ERAP1: variants seen among roughly 807,000 people sequenced by gnomAD.
ERAP1 encodes adipocyte-derived leucine aminopeptidase.
In ERAP1, 86 loss-of-function variants were observed where a neutral mutation model predicts 103.7. That is an observed-to-expected ratio of 0.83 (90% confidence interval 0.70 to 0.99). The LOEUF (loss-of-function observed/expected upper bound fraction) is 0.99. ERAP1 is among the 50% of genes least tolerant of loss of function. ERAP1 has a pLI of 0.00. For missense variants in ERAP1, 1,009 were observed against 1,128.4 expected, an observed-to-expected ratio of 0.89 and a Z score of 1.52; for synonymous variants, 398 against 402.4, an observed-to-expected ratio of 0.99 and a Z score of 0.13.
the ERAP1 span, chr5:96,886,615 C>A: frequency 6.9e-7 from 1 of 1,451,374 alleles, no homozygotes; most frequent in Non-Finnish European, 9.3e-7. Context: ...ATGAAATACT[C>A]CAGTTTTCAA....
At chr5:96,836,438 G>C in the ERAP1 span, among the ~76,000 whole-genome samples, 1 of 152,116 alleles carries the variant, frequency 6.6e-6, no homozygotes, top group Admixed American at 6.6e-5. Flanking sequence ...CTGACCTCAA[G>C]TGATCCCCCC....
chr5:96,862,135 C>A, the ERAP1 span, among the ~76,000 whole-genome samples: 2 of 152,162 alleles, frequency 1.3e-5, no homozygotes, highest in African/African-American at 4.8e-5. Context: ...TGCACACAAT[C>A]ATGCCCAGCT....
At chr5:96,867,848 C>A in the ERAP1 span, among the ~76,000 whole-genome samples, 1 of 152,010 alleles carries the variant, frequency 6.6e-6, no homozygotes, top group Non-Finnish European at 1.5e-5. Context: ...CTGAGGCAGG[C>A]GGATTACCTG....
At chr5:96,873,362 T>C in the ERAP1 span, 1 of 456,130 alleles carries the variant, frequency 2.2e-6, no homozygotes, top group Non-Finnish European at 4.4e-6. Flanking sequence ...CGTGGTCCAT[T>C]GCCTGAAGTT....
chr5:96,834,936 G>A, the ERAP1 span, among the ~76,000 whole-genome samples: 34 of 152,084 alleles, frequency 2.2e-4, no homozygotes, highest in Admixed American at 2.6e-4. Flanking sequence ...ATCTGATTTG[G>A]GGACTGTAAA....
chr5:96,874,769 T>A, the ERAP1 span, among the ~76,000 whole-genome samples: 1 of 152,380 alleles, frequency 6.6e-6, no homozygotes, highest in East Asian at 1.9e-4. Flanking sequence ...TAGGATCTAA[T>A]CATGGCAACA....
At chr5:96,927,164 T>C in the ERAP1 span, among the ~76,000 whole-genome samples, 4 of 152,214 alleles carry the variant, frequency 2.6e-5, no homozygotes, top group African/African-American at 9.6e-5. Context: ...CCTTTGGGTA[T>C]ATATCTAGGA....
chr5:96,935,438 C>T, the ERAP1 span: 1 of 152,482 alleles, frequency 6.6e-6, no homozygotes, highest in East Asian at 1.9e-4. Context: ...AGCGCCCGCT[C>T]CCTCGGTCCT....
chr5:96,775,610 C>CAA lies in ERAP1; in HGVS notation c.*784_*785dup, dbSNP rs1774095892. 3.1e-5 allele frequency: 19 copies of CAA among 609,974 alleles called. No homozygotes were observed. Among genetic ancestry groups the CAA allele is most frequent in the African/African-American group, 6.0e-5 (3 of 49,808 alleles). The allele number at this position is 609,974 out of a possible 1,614,324, so 37.8% of individuals were successfully genotyped here. On this transcript the variant is annotated 3_prime_UTR_variant, in exon 19 of 19. Transcript: ENST00000443439. ...GTGCGAGCACATTATGTAGAAACCA[C>CAA]AAGTCCGCCAGGACTAGTAAAAGCC... is the stretch of plus-strand genomic sequence containing the variant.
the ERAP1 span, among the ~76,000 whole-genome samples, chr5:96,894,294 T>A: frequency 6.6e-6 from 1 of 152,212 alleles, no homozygotes; most frequent in African/African-American, 2.4e-5. Flanking sequence ...AGGAAACACC[T>A]CTCCCTTTCC....
At chr5:96,884,725 CT>C in the ERAP1 span, among the ~76,000 whole-genome samples, 11 of 151,530 alleles carry the variant, frequency 7.3e-5, no homozygotes, top group Admixed American at 7.2e-4. Flanking sequence ...ACCTGACTAA[CT>C]TTTTTTGTAT....
At chr5:96,814,696 C>T in the ERAP1 span, among the ~76,000 whole-genome samples, 11 of 152,268 alleles carry the variant, frequency 7.2e-5, no homozygotes, top group African/African-American at 2.6e-4. Context: ...AGAAAGAAGG[C>T]AGCTGACATC....
chr5:96,845,256 A>G, the ERAP1 span, among the ~76,000 whole-genome samples: 1 of 151,820 alleles, frequency 6.6e-6, no homozygotes, highest in African/African-American at 2.4e-5. Context: ...TTCCTTTGAG[A>G]CAGCGTCTCC....
the ERAP1 span, chr5:96,909,809 T>G: frequency 7.6e-6 from 12 of 1,584,624 alleles, no homozygotes; most frequent in Non-Finnish European, 9.5e-6. Context: ...TTCTCTTTGA[T>G]GTAAAAGTCT....
At chr5:96,901,863 A>G in the ERAP1 span, among the ~76,000 whole-genome samples, 1 of 152,222 alleles carries the variant, frequency 6.6e-6, no homozygotes, top group African/African-American at 2.4e-5. Flanking sequence ...TTTGTTCAGG[A>G]GCACCATTCT....
chr5:96,790,531 A>G lies in ERAP1; in HGVS notation c.1433T>C (p.Leu478Pro), dbSNP rs757821867. Residue 478 changes from leucine (L) to proline (P), a missense_variant, in exon 9 of 19, where the codon CTG becomes CCG. Transcript: ENST00000443439. Reference protein sequence around the residue: ...HSYKNTKNEDLWDSMASICPT... With the variant: ...HSYKNTKNEDPWDSMASICPT... ...ACTCACACTTGCCATACTATCCCAC[A>G]GGTCCTCGTTTTTTGTATTTTTATA... The G allele has an allele frequency of 6.2e-7, 1 of 1,613,948 alleles. No homozygotes were observed. The highest frequency in any genetic ancestry group is 8.5e-7 in the Non-Finnish European group (1 of 1,179,890).
chr5:96,798,871 C>CTTTTGT (rs529618098), intron 3 of ERAP1, among the ~76,000 whole-genome samples: 2,189 of 124,870 alleles, frequency 0.018, 91 homozygotes, highest in Admixed American at 0.085. Flanking sequence ...CAAAAATTTC[C>CTTTTGT]TTTTTTTTTT....
chr5:96,840,703 T>C, the ERAP1 span, among the ~76,000 whole-genome samples: 1 of 109,036 alleles, frequency 9.2e-6, no homozygotes, highest in African/African-American at 2.9e-5. Context: ...ACTTTTTTTT[T>C]CTTTTTTTCT....
chr5:96,915,784 GT>G, the ERAP1 span: 2 of 1,570,308 alleles, frequency 1.3e-6, no homozygotes, highest in African/African-American at 1.4e-5. Flanking sequence ...GTGACTTTCT[GT>G]TTTTAACAAT....
Sources: allele counts gnomAD v4.1 joint callset (sites outside exome capture counted in the v4.1 genomes callset), GRCh38; gene constraint gnomAD v4.1.1; transcripts MANE v1.5; gene names NCBI Gene and HGNC (gene_info 2026-07-23, HGNC 2026-07-21).